COL24A1: variants seen among roughly 807,000 people sequenced by gnomAD.
COL24A1 encodes the protein collagen alpha-1(XXIV) chain.
A neutral mutation model predicts 253.9 loss-of-function variants in COL24A1; 224 were observed. The observed-to-expected ratio is 0.88, with a 90% CI of 0.79 to 0.99. COL24A1 has a LOEUF of 0.99. Among genes scored for constraint, COL24A1 ranks in the 50% least tolerant of loss-of-function variants. COL24A1 has a pLI of 0.00. For synonymous variants in COL24A1, 685 were observed against 673.7 expected (o/e 1.02, Z -0.26); for missense variants, 2,131 against 2,068.5 (o/e 1.03, Z -0.59).
intron 47 of COL24A1, among the ~76,000 whole-genome samples, chr1:85,796,748 C>T (rs1670845957): frequency 6.6e-6 from 1 of 152,134 alleles, no homozygotes; most frequent in Non-Finnish European, 1.5e-5. Context: ...GTGTACTATG[C>T]ATTTTACATA....
intron 19 of COL24A1, among the ~76,000 whole-genome samples, chr1:86,006,824 T>C (rs951312750): frequency 1.3e-5 from 2 of 151,988 alleles, no homozygotes; most frequent in Non-Finnish European, 1.5e-5. Flanking sequence ...GCCAAAGACC[T>C]TAACAAACAC....
intron 2 of COL24A1, among the ~76,000 whole-genome samples, chr1:86,133,882 T>G (rs1477346478): frequency 1.3e-5 from 2 of 152,162 alleles, no homozygotes; most frequent in Non-Finnish European, 2.9e-5. Flanking sequence ...TAGGGAGGAT[T>G]CCCTCTTTTT....
rs1696598105 is a variant in COL24A1, at chr1:86,012,511, C to T, written c.2310+4640G>A. ...GGCTGAGGCAGGAGAATTGCTTGAA[C>T]CCAGGAGGCGGAGGTTGCAGTGAGC... On this transcript the variant is annotated intron_variant, in intron 19 of 59. Coordinates refer to ENST00000370571, the MANE Select transcript of COL24A1 (RefSeq NM_152890.7). Among the ~76,000 whole-genome samples, 3 of 152,168 alleles carry T rather than the reference C, an allele frequency of 2.0e-5. No individual in the cohort carries two copies. The South Asian group carries it at 6.2e-4, about 32-fold the overall frequency.
At chr1:85,793,980 A>G (rs980606498) in intron 47 of COL24A1, among the ~76,000 whole-genome samples, 1 of 152,164 alleles carries the variant, frequency 6.6e-6, no homozygotes, top group African/African-American at 2.4e-5. Flanking sequence ...TTAAAAAGTC[A>G]TATATACAAG....
intron 2 of COL24A1, among the ~76,000 whole-genome samples, chr1:86,136,475 C>A (rs1650263533): frequency 6.6e-6 from 1 of 152,000 alleles, no homozygotes; most frequent in Non-Finnish European, 1.5e-5. Flanking sequence ...TTATTTCATT[C>A]ATTTTTTTCT....
chr1:86,013,814 CGA>C (rs1559007150), intron 19 of COL24A1, among the ~76,000 whole-genome samples: 1 of 152,034 alleles, frequency 6.6e-6, no homozygotes, highest in African/African-American at 2.4e-5. Context: ...CCAGCCTGGG[CGA>C]GAGAGTGAAA....
chr1:86,006,090 C>T (rs471070), intron 19 of COL24A1, among the ~76,000 whole-genome samples: 27,655 of 151,934 alleles, frequency 0.18, 3,199 homozygotes, highest in African/African-American at 0.32. Context: ...AAATTCTTCC[C>T]AATGTGATCT....
At position 86,126,593 on chromosome 1, in the gene COL24A1, C is replaced by T. The variant is rs566796684; in HGVS notation, c.122-379G>A. 9.9e-5 allele frequency among the ~76,000 whole-genome samples: 15 copies of T among 152,130 alleles called. No individual in the cohort carries two copies. The East Asian group carries it at 2.9e-3, about 30-fold the overall frequency. On this transcript the variant is annotated intron_variant, in intron 2 of 59. Coordinates refer to ENST00000370571, the MANE Select transcript of COL24A1 (RefSeq NM_152890.7). ...GCTCAAAGGATCCTCCCACCTCAGC[C>T]TCCCAAGTAGCCAGCACTACAACGG...
intron 24 of COL24A1, among the ~76,000 whole-genome samples, chr1:85,949,870 A>T (rs1689722174): frequency 6.6e-6 from 1 of 151,962 alleles, no homozygotes. Flanking sequence ...ATCATTGTCT[A>T]CTCCTTGTTC....
intron 37 of COL24A1, among the ~76,000 whole-genome samples, chr1:85,857,935 A>G (rs1678644457): frequency 6.6e-6 from 1 of 152,194 alleles, no homozygotes; most frequent in East Asian, 1.9e-4. Flanking sequence ...TCTGTTACAC[A>G]TTTAATGGCA....
chr1:85,889,528 A>G, intron 32 of COL24A1, 32 bp downstream of exon 32: 1 of 1,573,298 alleles, frequency 6.4e-7, no homozygotes, highest in Non-Finnish European at 8.7e-7. Flanking sequence ...TATGAGAAAG[A>G]CACAATTAGA....
chr1:85,950,466 T>G (rs981200529), intron 24 of COL24A1, among the ~76,000 whole-genome samples: 3 of 152,132 alleles, frequency 2.0e-5, no homozygotes, highest in African/African-American at 7.2e-5. Context: ...CAGAAAATAC[T>G]AAGAGGAGGG....
intron 5 of COL24A1, among the ~76,000 whole-genome samples, chr1:86,107,471 C>T (rs1479925704): frequency 6.6e-6 from 1 of 152,066 alleles, no homozygotes; most frequent in Non-Finnish European, 1.5e-5. Context: ...AAATCAAACA[C>T]TACAAGCTTT....
intron 24 of COL24A1, among the ~76,000 whole-genome samples, chr1:85,957,765 C>T (rs192846778): frequency 1.3e-4 from 20 of 152,334 alleles, no homozygotes; most frequent in African/African-American, 4.1e-4. Context: ...CTTCCCAATC[C>T]ATTGCAATAA....
chr1:85,861,615 C>A (rs951823829), intron 37 of COL24A1, among the ~76,000 whole-genome samples: 2 of 152,076 alleles, frequency 1.3e-5, no homozygotes. Flanking sequence ...TGTGGTTATC[C>A]AGTTGTTCCA....
chr1:85,924,463 T>C (rs568139379), intron 24 of COL24A1, among the ~76,000 whole-genome samples: 1 of 152,192 alleles, frequency 6.6e-6, no homozygotes, highest in Non-Finnish European at 1.5e-5. Flanking sequence ...ATCAAAAAGC[T>C]TATCCACCAT....
At chr1:85,982,957 A>C (rs571516252) in intron 20 of COL24A1, among the ~76,000 whole-genome samples, 1 of 152,176 alleles carries the variant, frequency 6.6e-6, no homozygotes, top group South Asian at 2.1e-4. Flanking sequence ...AAGTAATCTT[A>C]GAAAACTGTG....
At chr1:86,071,731 TA>T (rs973309045) in intron 7 of COL24A1, among the ~76,000 whole-genome samples, 7 of 152,224 alleles carry the variant, frequency 4.6e-5, no homozygotes, top group Non-Finnish European at 1.0e-4. Flanking sequence ...AGCACCCAGA[TA>T]AATAAAGAAA....
At chr1:85,969,824 C>T (rs764817311) in intron 22 of COL24A1, among the ~76,000 whole-genome samples, 1 of 151,796 alleles carries the variant, frequency 6.6e-6, no homozygotes, top group African/African-American at 2.4e-5. Flanking sequence ...TAACATATTA[C>T]CCATGGTATT....
Sources: gnomAD v4.1 joint callset for allele counts (sites outside exome capture counted in the v4.1 genomes callset) on GRCh38, gnomAD v4.1.1 for gene constraint, MANE v1.5 for transcripts, NCBI Gene and HGNC (gene_info 2026-07-23, HGNC 2026-07-21) for gene names.